The following LRRN2 variants were observed in gnomAD, a reference collection of about 807,000 sequenced individuals.
LRRN2 encodes leucine rich repeat neuronal 2.
In LRRN2, 10 loss-of-function variants were observed where a neutral mutation model predicts 35.7. The observed-to-expected ratio is 0.28, with a 90% CI of 0.17 to 0.47. The LOEUF is 0.47. Ranked by LOEUF, LRRN2 falls within the 20% of genes least tolerant of loss-of-function variation. LRRN2 has a pLI of 0.99. For synonymous variants in LRRN2, 391 were observed against 409.6 expected, an observed-to-expected ratio of 0.95 and a Z score of 0.55; for missense variants, 731 against 940.3, an observed-to-expected ratio of 0.78 and a Z score of 2.91.
At chr1:204,640,678 C>G (rs1667957329) in intron 1 of LRRN2, among the ~76,000 whole-genome samples, 1 of 152,112 alleles carries the variant, frequency 6.6e-6, no homozygotes, top group Non-Finnish European at 1.5e-5. Context: ...CCATGAGGCC[C>G]TGAGGTTTCC....
At chr1:204,632,136 G>C (rs1367166519) in intron 1 of LRRN2, among the ~76,000 whole-genome samples, 1 of 151,962 alleles carries the variant, frequency 6.6e-6, no homozygotes, top group Non-Finnish European at 1.5e-5. Context: ...TGGGAGGCTG[G>C]GGTGAGAGAA....
intron 1 of LRRN2, chr1:204,629,694 A>T (rs1054168151): frequency 5.9e-6 from 1 of 168,498 alleles, no homozygotes; most frequent in Non-Finnish European, 1.2e-5. Flanking sequence ...AGTCCAATTA[A>T]ACCTCTTTTT....
chr1:204,641,109 T>G (rs1667967992), intron 1 of LRRN2, among the ~76,000 whole-genome samples: 1 of 152,000 alleles, frequency 6.6e-6, no homozygotes. Context: ...TCAAAAAGAT[T>G]GCAAAAACCA....
intron 1 of LRRN2, among the ~76,000 whole-genome samples, chr1:204,646,147 A>C (rs554517763): frequency 6.6e-6 from 1 of 152,168 alleles, no homozygotes; most frequent in African/African-American, 2.4e-5. Context: ...CCATGGTGAG[A>C]AAAGATGGGG....
chr1:204,674,221 T>A (rs2102242018), intron 1 of LRRN2, among the ~76,000 whole-genome samples: 1 of 151,762 alleles, frequency 6.6e-6, no homozygotes, highest in African/African-American at 2.4e-5. Context: ...CTAGGAAGGG[T>A]GGGGCAGGAT....
Position 204,655,995 on chromosome 1 carries a change from C to T in LRRN2, c.-227+29325G>A, listed in dbSNP as rs555885678. On this transcript the variant is annotated intron_variant, in intron 1 of 1. Coordinates refer to ENST00000367177, the MANE Select transcript of LRRN2 (RefSeq NM_201630.2). ...CGCGATCTCGGCTCACTGCAAGCTCCACCTCCCAGGTTCACGCCATTCTCC... is the reference window on the plus strand; with the variant it reads ...CGCGATCTCGGCTCACTGCAAGCTCTACCTCCCAGGTTCACGCCATTCTCC... 3.2e-3 allele frequency among the ~76,000 whole-genome samples: 486 copies of T among 152,290 alleles called. 6 individuals carry two copies. The highest frequency in any genetic ancestry group is 0.011 in the African/African-American group (465 of 41,562).
At chr1:204,644,658 A>G (rs1431540469) in intron 1 of LRRN2, among the ~76,000 whole-genome samples, 1 of 152,150 alleles carries the variant, frequency 6.6e-6, no homozygotes, top group Non-Finnish European at 1.5e-5. Flanking sequence ...CTAGTTTAGC[A>G]TGAGCCATGG....
chr1:204,656,328 GA>G (rs1380381167), intron 1 of LRRN2, among the ~76,000 whole-genome samples: 2 of 152,318 alleles, frequency 1.3e-5, no homozygotes, highest in African/African-American at 4.8e-5. Flanking sequence ...CGAAAAATTA[GA>G]AGGTATAGAA....
At position 204,617,220 on chromosome 1, in the gene LRRN2, A is replaced by G. The variant is rs1666396553; in HGVS notation, c.*631T>C. ...CGTATTATTGTTATTATTTATTTTT[A>G]TTTTTTACAAAACAGGAGAAAAGAG... On this transcript the variant is annotated 3_prime_UTR_variant, in exon 2 of 2. Transcript: ENST00000367177. The G allele has an allele frequency of 6.6e-6, 1 of 152,362 alleles. No individual in the cohort carries two copies. The highest frequency in any genetic ancestry group is 6.5e-5 in the Admixed American group (1 of 15,304). The allele number at this position is 152,362 out of a possible 1,614,324, so 9.4% of individuals were successfully genotyped here. A position where few individuals can be genotyped will look rare whatever the true frequency, so the allele number is the denominator to read the frequency against.
intron 1 of LRRN2, among the ~76,000 whole-genome samples, chr1:204,672,788 G>T (rs1253183398): frequency 6.6e-6 from 1 of 152,098 alleles, no homozygotes; most frequent in African/African-American, 2.4e-5. Context: ...CTGATAGTTG[G>T]GTGGTCACCG....
In LRRN2 at chr1:204,619,908, AG is replaced by A. The variant is rs1277284271; in HGVS notation, c.84del (p.Cys29AlafsTer32). ...ATCTGGCAGGCACACTGAGGGGGGC[AG>A]GGAACATGCCAGGGTACCACGGGCA... ...AAVPVVPWHV[P>X]CPPQCACQIR... is the part of the protein sequence containing the mutation. On this transcript the variant is annotated frameshift_variant, in exon 2 of 2. Coordinates refer to ENST00000367177, the MANE Select transcript of LRRN2 (RefSeq NM_201630.2). LOFTEE classifies it high-confidence loss of function. The A allele has an allele frequency of 6.2e-7, 1 of 1,613,884 alleles. No individual in the cohort carries two copies.
chr1:204,654,495 AG>A (rs1668304683), intron 1 of LRRN2, among the ~76,000 whole-genome samples: 2 of 152,226 alleles, frequency 1.3e-5, no homozygotes. Flanking sequence ...TTAGTTGATA[AG>A]GAAGTTGTAC....
At position 204,652,269 on chromosome 1, in the gene LRRN2, CCG is replaced by C. The variant is rs1446224478; in HGVS notation, c.-226-32053_-226-32052del. The stretch of plus-strand genomic sequence containing the variant: ...CCCTCTCCTCTTCACCGCCCCCCCC[CCG>C]CCCCCCCGCCGCCTTCCTCCTTGCC... On this transcript the variant is annotated intron_variant, in intron 1 of 1. Coordinates refer to ENST00000367177, the MANE Select transcript of LRRN2 (RefSeq NM_201630.2). Among the ~76,000 whole-genome samples the C allele has an allele frequency of 7.3e-4, 48 of 66,026 alleles. 2 individuals carry two copies. Among genetic ancestry groups the C allele is most frequent in the Middle Eastern group, 9.6e-3 (1 of 104 alleles). The allele number at this position is 66,026 out of a possible 152,430, so 43.3% of individuals were successfully genotyped here.
chr1:204,674,543 C>G (rs1401223964), intron 1 of LRRN2, among the ~76,000 whole-genome samples: 8 of 152,208 alleles, frequency 5.3e-5, no homozygotes, highest in Non-Finnish European at 1.2e-4. Context: ...TGATTTTAGG[C>G]AAGGATCTGC....
At chr1:204,645,586 G>A (rs550018522) in intron 1 of LRRN2, among the ~76,000 whole-genome samples, 2 of 152,334 alleles carry the variant, frequency 1.3e-5, no homozygotes, top group African/African-American at 2.4e-5. Context: ...TCCATGTACT[G>A]ATAAGGAAAC....
In LRRN2 at chr1:204,685,384, C is replaced by T. The variant is rs1669049247; in HGVS notation, c.-291G>A. 6.6e-6 allele frequency: 1 copy of T among 151,636 alleles called. No individual in the cohort carries two copies. The highest frequency in any genetic ancestry group is 1.5e-5 in the Non-Finnish European group (1 of 67,966). 9.4% of individuals were successfully genotyped at this position (151,636 alleles called of 1,614,324 possible). A position where few individuals can be genotyped will look rare whatever the true frequency, so the allele number is the denominator to read the frequency against. ...GCGGCCGCGCTCCGCTCGCCTTCCGCCCGGGGCCGGGCTGGGGACGCTGGT... is the reference window on the plus strand; with the variant it reads ...GCGGCCGCGCTCCGCTCGCCTTCCGTCCGGGGCCGGGCTGGGGACGCTGGT... On this transcript the variant is annotated 5_prime_UTR_variant, in exon 1 of 2. Coordinates refer to ENST00000367177, the MANE Select transcript of LRRN2 (RefSeq NM_201630.2).
chr1:204,625,806 C>T lies in LRRN2; in HGVS notation c.-226-5588G>A, dbSNP rs560796261. ...CCCCCTACTTCAAAGTGGGCTATAG[C>T]GTCTTAGAATCTCATGTTTAACCAG... On this transcript the variant is annotated intron_variant, in intron 1 of 1. Transcript: ENST00000367177. Among the ~76,000 whole-genome samples, 140 of 152,308 alleles carry T rather than the reference C, an allele frequency of 9.2e-4. 1 individual carries two copies. In the South Asian group the frequency reaches 0.027, roughly 29 times the overall value.
chr1:204,633,494 C>A (rs987066551), intron 1 of LRRN2, among the ~76,000 whole-genome samples: 3 of 152,142 alleles, frequency 2.0e-5, no homozygotes, highest in Admixed American at 1.3e-4. Context: ...AGTGAGAGGG[C>A]AATGATAATA....
intron 1 of LRRN2, among the ~76,000 whole-genome samples, chr1:204,630,548 C>CG (rs945982799): frequency 2.0e-5 from 3 of 152,102 alleles, no homozygotes; most frequent in Non-Finnish European, 2.9e-5. Context: ...GTCCTGGTCT[C>CG]GGGGGCGCTG....
Sources: allele counts gnomAD v4.1 joint callset (sites outside exome capture counted in the v4.1 genomes callset), GRCh38; gene constraint gnomAD v4.1.1; transcripts MANE v1.5; gene names NCBI Gene and HGNC (gene_info 2026-07-23, HGNC 2026-07-21).